The following EML6 variants were observed in gnomAD, a reference collection of about 807,000 sequenced individuals.
EML6 encodes the protein echinoderm microtubule-associated protein-like 6.
EML6 carries 154 observed loss-of-function variants against 240.1 expected under a neutral mutation model. That is an observed-to-expected ratio of 0.64 (90% CI 0.56 to 0.73). The LOEUF (loss-of-function observed/expected upper bound fraction) is 0.73, where lower values mean the gene tolerates loss of function less well. Ranked by LOEUF, EML6 falls within the 30% of genes least tolerant of loss-of-function variation. The probability of loss-of-function intolerance (pLI) is 0.00; values close to 1 mark genes in which losing one functional copy is unlikely to be tolerated. For synonymous variants in EML6, 1,148 were observed against 899.0 expected (o/e 1.28, Z -4.95); for missense variants, 2,964 against 2,474.6 (o/e 1.20, Z -4.20).
chr2:54,887,970 C>G (rs1241605725), intron 17 of EML6, among the ~76,000 whole-genome samples: 1 of 152,226 alleles, frequency 6.6e-6, no homozygotes, highest in African/African-American at 2.4e-5. Context: ...TTTGTACATT[C>G]TGCGAGTTTT....
chr2:54,801,753 A>C (rs778560585), intron 2 of EML6, among the ~76,000 whole-genome samples: 1 of 152,212 alleles, frequency 6.6e-6, no homozygotes, highest in Non-Finnish European at 1.5e-5. Flanking sequence ...TTCAAAACCA[A>C]CATCACAAAC....
At chr2:54,738,862 T>C (rs1406742771) in intron 2 of EML6, among the ~76,000 whole-genome samples, 1 of 152,226 alleles carries the variant, frequency 6.6e-6, no homozygotes, top group Admixed American at 6.5e-5. Context: ...CAAGTGAACA[T>C]ATATGCAGTT....
intron 7 of EML6, among the ~76,000 whole-genome samples, chr2:54,831,979 T>A (rs1176222264): frequency 1.3e-5 from 2 of 152,222 alleles, no homozygotes; most frequent in African/African-American, 4.8e-5. Flanking sequence ...TAAACTAATA[T>A]TTGTGACATG....
At chr2:54,847,758 A>T in intron 9 of EML6, 135 bp downstream of exon 9, 1 of 782,356 alleles carries the variant, frequency 1.3e-6, no homozygotes, top group Non-Finnish European at 1.8e-6. Context: ...TAGATCTACG[A>T]TCCCCTATCT....
Position 54,829,532 on chromosome 2 carries a change from T to G in EML6, c.847+55T>G. ...TCTGGATGTGAAATATAATGTGAAG[T>G]TCTGTATTCATATTTGTTTCTCTGT... is the stretch of plus-strand genomic sequence containing the variant. On this transcript the variant is annotated intron_variant, in intron 7 of 41. Coordinates refer to ENST00000356458, the MANE Select transcript of EML6 (RefSeq NM_001039753.4). 5 of 1,401,038 alleles carry G rather than the reference T, an allele frequency of 3.6e-6. No homozygotes were observed. In the East Asian group the frequency reaches 1.3e-4, roughly 35 times the overall value. 86.8% of individuals were successfully genotyped at this position (1,401,038 alleles called of 1,614,324 possible). A position where few individuals can be genotyped will look rare whatever the true frequency, so the allele number is the denominator to read the frequency against.
intron 8 of EML6, among the ~76,000 whole-genome samples, chr2:54,846,923 A>AT (rs34352060): frequency 0.33 from 42,965 of 130,458 alleles, 8,081 homozygotes; most frequent in Middle Eastern, 0.48. Flanking sequence ...ATGAAGTAGT[A>AT]TTTTTTTTTT....
chr2:54,920,091 A>G (rs1233402957), intron 26 of EML6, among the ~76,000 whole-genome samples: 2 of 152,208 alleles, frequency 1.3e-5, no homozygotes, highest in East Asian at 1.9e-4. Flanking sequence ...AAGATCTCAA[A>G]TAACCTAACT....
chr2:54,750,575 G>C (rs569704265), intron 2 of EML6, among the ~76,000 whole-genome samples: 1 of 152,278 alleles, frequency 6.6e-6, no homozygotes, highest in African/African-American at 2.4e-5. Context: ...TAGTATCTTA[G>C]ACTCTCCCTT....
At position 54,885,869 on chromosome 2, in the gene EML6, C is replaced by T. The variant is rs1672102586; in HGVS notation, c.2439-5185C>T. 2.0e-5 allele frequency among the ~76,000 whole-genome samples: 3 copies of T among 152,214 alleles called. 1 individual carries two copies. The Middle Eastern group carries it at 0.01, about 518-fold the overall frequency. Reference sequence around the variant, plus strand: ...CTCGTGATCCCCCTGCCTCGGCCTCCCAAAGTGCTGAGATTACAGGCGTGA... The same window carrying T: ...CTCGTGATCCCCCTGCCTCGGCCTCTCAAAGTGCTGAGATTACAGGCGTGA... On this transcript the variant is annotated intron_variant, in intron 17 of 41. Transcript: ENST00000356458.
At chr2:54,926,695 C>A (rs182819779) in intron 26 of EML6, among the ~76,000 whole-genome samples, 2 of 152,190 alleles carry the variant, frequency 1.3e-5, no homozygotes, top group Non-Finnish European at 2.9e-5. Flanking sequence ...GATTTTCTTT[C>A]CTATTCTGAG....
At chr2:54,868,441 GTC>G (rs1226321080) in intron 14 of EML6, 2 of 152,124 alleles carry the variant, frequency 1.3e-5, no homozygotes, top group Admixed American at 6.5e-5. Context: ...TTAATATTGA[GTC>G]TATTCTCAGT....
intron 24 of EML6, 81 bp downstream of exon 24, chr2:54,903,583 C>A (rs913019149): frequency 9.8e-6 from 11 of 1,120,224 alleles, no homozygotes; most frequent in African/African-American, 1.6e-5. Flanking sequence ...GAGAGAATGG[C>A]AGTTGAGTGT....
intron 2 of EML6, among the ~76,000 whole-genome samples, chr2:54,759,883 T>A (rs1231493851): frequency 1.3e-5 from 2 of 150,378 alleles, no homozygotes; most frequent in East Asian, 3.9e-4. Context: ...TATATATATA[T>A]AAAATCTTTG....
At chr2:54,830,451 T>G (rs562818144) in intron 7 of EML6, among the ~76,000 whole-genome samples, 2 of 152,298 alleles carry the variant, frequency 1.3e-5, no homozygotes, top group African/African-American at 2.4e-5. Context: ...AGAAATTTCC[T>G]GAGCATCTTT....
At chr2:54,918,234 C>T (rs1316376990) in intron 26 of EML6, among the ~76,000 whole-genome samples, 2 of 152,164 alleles carry the variant, frequency 1.3e-5, no homozygotes, top group African/African-American at 4.8e-5. Context: ...TCATCCTCTG[C>T]TTTCACAATC....
At chr2:54,945,589 A>G (rs944287138) in intron 28 of EML6, among the ~76,000 whole-genome samples, 12 of 152,008 alleles carry the variant, frequency 7.9e-5, no homozygotes, top group African/African-American at 2.9e-4. Context: ...TGTTGTACTC[A>G]TCTTGGGTTG....
At chr2:54,896,084 C>T (rs1048371648) in intron 21 of EML6, among the ~76,000 whole-genome samples, 4 of 152,124 alleles carry the variant, frequency 2.6e-5, no homozygotes, top group African/African-American at 9.7e-5. Flanking sequence ...CGTCACTGGC[C>T]ACCCTCTGGC....
chr2:54,895,066 T>C (rs1327108714), intron 20 of EML6, 40 bp downstream of exon 20: 8 of 1,450,390 alleles, frequency 5.5e-6, no homozygotes, highest in African/African-American at 4.2e-5. Context: ...TTTGTATTCA[T>C]AGGGATGGAG....
intron 31 of EML6, 150 bp downstream of exon 31, chr2:54,952,842 G>T (rs1304633549): frequency 6.5e-6 from 4 of 614,086 alleles, no homozygotes; most frequent in Non-Finnish European, 1.2e-5. Context: ...GTGTATCTGT[G>T]TCACCTGCGT....
Sources: allele counts gnomAD v4.1 joint callset (sites outside exome capture counted in the v4.1 genomes callset), GRCh38; gene constraint gnomAD v4.1.1; transcripts MANE v1.5; gene names NCBI Gene and HGNC (gene_info 2026-07-23, HGNC 2026-07-21).